Variants in CRKL observed in about 807,000 individuals in gnomAD.
The protein encoded by CRKL is crk-like protein.
Under a neutral mutation model 23.0 loss-of-function variants are expected in CRKL, and 3 were observed. That is an observed-to-expected ratio of 0.13 (90% CI 0.06 to 0.34). CRKL has a LOEUF of 0.34. Ranked by LOEUF, CRKL falls within the 10% of genes least tolerant of loss-of-function variation. The pLI, the probability that CRKL is intolerant of heterozygous loss-of-function variation, is 1.00. For missense variants in CRKL, 256 were observed against 394.5 expected, an observed-to-expected ratio of 0.65 and a Z score of 2.97; for synonymous variants, 188 against 160.7, an observed-to-expected ratio of 1.17 and a Z score of -1.28.
At position 20,946,733 on chromosome 22, in the gene CRKL, A is replaced by AAC. The variant is rs1555921441; in HGVS notation, c.778-2977_778-2976insCA. 8.1e-4 allele frequency among the ~76,000 whole-genome samples: 122 copies of AAC among 150,890 alleles called. 1 individual carries two copies. The highest frequency in any genetic ancestry group is 6.9e-3 in the Middle Eastern group (2 of 290). On this transcript the variant is annotated intron_variant, in intron 2 of 2. Coordinates refer to ENST00000354336, the MANE Select transcript of CRKL (RefSeq NM_005207.4). Reference sequence around the variant, plus strand: ...GAGCACCCCTCCCTCCAAAAAAAAAAAACAGATTGATCTGCCCTCCACAGT... The same window carrying AAC: ...GAGCACCCCTCCCTCCAAAAAAAAAAACAACAGATTGATCTGCCCTCCACAGT...
In CRKL at chr22:20,940,428, G is replaced by A. The variant is rs548344059; in HGVS notation, c.777+6184G>A. Among the ~76,000 whole-genome samples the A allele has an allele frequency of 6.6e-5, 10 of 152,162 alleles. No homozygotes were observed. In the South Asian group the frequency reaches 2.1e-3, roughly 32 times the overall value. Reference sequence around the variant, plus strand: ...TGCCATCTTTTGACAAAAAACAAGAGACTTGACCCTTCCTAAGTCTTCCAG... The same window carrying A: ...TGCCATCTTTTGACAAAAAACAAGAAACTTGACCCTTCCTAAGTCTTCCAG... On this transcript the variant is annotated intron_variant, in intron 2 of 2. Coordinates refer to ENST00000354336, the MANE Select transcript of CRKL (RefSeq NM_005207.4).
chr22:20,933,585 T>C (rs961626902), intron 1 of CRKL, among the ~76,000 whole-genome samples, 194 bp from the exon 2 acceptor site: 5 of 151,996 alleles, frequency 3.3e-5, no homozygotes, highest in Admixed American at 2.6e-4. Flanking sequence ...GGAGCATCAC[T>C]TGAACCTGGG....
chr22:20,947,360 A>C (rs1183329297), intron 2 of CRKL, among the ~76,000 whole-genome samples: 1 of 151,298 alleles, frequency 6.6e-6, no homozygotes, highest in Non-Finnish European at 1.5e-5. Context: ...TACAGGTGTG[A>C]GCCACTGCGC....
Position 20,933,844 on chromosome 22 carries a change from A to G in CRKL, c.377A>G (p.Glu126Gly). The change falls in exon 2 of 3, where the codon GAA becomes GGA. Residue 126 changes from glutamate to glycine, a missense_variant. Physicochemically the swap from Glu to Gly is moderately conservative, Grantham distance 98 (BLOSUM62 -2). Transcript: ENST00000354336. ...CTGCCTACAGCAGAAGATAACCTGG[A>G]ATATGTACGGACTCTGTATGATTTT... ...PNLPTAEDNL[E>G]YVRTLYDFPG... 6 of 1,614,144 alleles carry G rather than the reference A, an allele frequency of 3.7e-6. No homozygotes were observed. Among genetic ancestry groups the G allele is most frequent in the Non-Finnish European group, 5.1e-6 (6 of 1,180,026 alleles).
Position 20,953,140 on chromosome 22 carries a change from TAATC to T in CRKL, c.*3296_*3299del. The stretch of plus-strand genomic sequence containing the variant: ...TGGTTTTTTGCCAGGTGTTTATAAT[TAATC>T]CTTTAATATTATGGTTATTAACCTC... On this transcript the variant is annotated 3_prime_UTR_variant, in exon 3 of 3. Coordinates refer to ENST00000354336, the MANE Select transcript of CRKL (RefSeq NM_005207.4). 1 of 231,898 alleles carries T rather than the reference TAATC, an allele frequency of 4.3e-6. No homozygotes were observed. The highest frequency in any genetic ancestry group is 8.5e-6 in the Non-Finnish European group (1 of 116,974). The allele number at this position is 231,898 out of a possible 1,614,324, so 14.4% of individuals were successfully genotyped here.
Position 20,953,252 on chromosome 22 carries a change from A to G in CRKL, c.*3407A>G, listed in dbSNP as rs955004470. 1.7e-5 allele frequency: 4 copies of G among 231,416 alleles called. No homozygotes were observed. Among genetic ancestry groups the G allele is most frequent in the Admixed American group, 1.7e-4 (3 of 17,676 alleles). 14.3% of individuals were successfully genotyped at this position (231,416 alleles called of 1,614,324 possible). A position where few individuals can be genotyped will look rare whatever the true frequency, so the allele number is the denominator to read the frequency against. On this transcript the variant is annotated 3_prime_UTR_variant, in exon 3 of 3. Coordinates refer to ENST00000354336, the MANE Select transcript of CRKL (RefSeq NM_005207.4). ...GTGGACACCACTGAGCTCTGCCTCA[A>G]CTCCACCCTCTGCGACCGGAGGACT...
intron 1 of CRKL, among the ~76,000 whole-genome samples, chr22:20,928,515 T>TAAATAAATA (rs1921315935): frequency 6.6e-6 from 1 of 150,698 alleles, no homozygotes; most frequent in Admixed American, 6.6e-5. Context: ...CTTTAAAAAA[T>TAAATAAATA]AAATAAATAA....
intron 1 of CRKL, among the ~76,000 whole-genome samples, chr22:20,922,313 C>T (rs5752263): frequency 6.6e-6 from 1 of 151,460 alleles, no homozygotes; most frequent in Non-Finnish European, 1.5e-5. Context: ...GAGCCACCCT[C>T]TCCGGCCTGG....
chr22:20,943,327 C>T (rs1372087263), intron 2 of CRKL, among the ~76,000 whole-genome samples: 1 of 152,050 alleles, frequency 6.6e-6, no homozygotes, highest in Non-Finnish European at 1.5e-5. Flanking sequence ...GCAACTTCTG[C>T]CTTCCAGATT....
At chr22:20,924,477 G>A (rs1921119121) in intron 1 of CRKL, among the ~76,000 whole-genome samples, 1 of 152,216 alleles carries the variant, frequency 6.6e-6, no homozygotes, top group African/African-American at 2.4e-5. Context: ...ATTTTAATCA[G>A]CATAGAATTC....
intron 1 of CRKL, among the ~76,000 whole-genome samples, chr22:20,923,576 ATTT>A (rs34489759): frequency 7.5e-5 from 9 of 119,824 alleles, no homozygotes; most frequent in Non-Finnish European, 5.2e-5. Context: ...CGCGCCTGGC[ATTT>A]TTTTTTTTTT....
chr22:20,934,891 G>A (rs1921593780), intron 2 of CRKL, among the ~76,000 whole-genome samples: 1 of 135,766 alleles, frequency 7.4e-6, no homozygotes, highest in Non-Finnish European at 1.5e-5. Flanking sequence ...TCCGCTCACT[G>A]CAAGCTCCAC....
In CRKL at chr22:20,934,036, A is replaced by G. The variant is rs199907840; in HGVS notation, c.569A>G (p.His190Arg). The change falls in exon 2 of 3, where the codon CAT becomes CGT. Residue 190 changes from histidine (H) to arginine (R), a missense_variant. His to Arg is a conservative substitution (Grantham distance 29). This residue lies in a region of CRKL where 129 missense variants were observed against 222.1 expected (regional missense o/e 0.58). Coordinates refer to ENST00000354336, the MANE Select transcript of CRKL (RefSeq NM_005207.4). ...GTGAGATCCTCACCACACGGAAAGC[A>G]TGGAAATAGGAATTCCAACAGTTAT... ...KLVRSSPHGK[H>R]GNRNSNSYGI... 2 of 1,614,188 alleles carry G rather than the reference A, an allele frequency of 1.2e-6. No homozygotes were observed. The highest frequency in any genetic ancestry group is 2.7e-5 in the African/African-American group (2 of 75,050).
intron 2 of CRKL, among the ~76,000 whole-genome samples, chr22:20,946,710 G>A (rs1922067499): frequency 1.1e-5 from 1 of 90,920 alleles, no homozygotes; most frequent in East Asian, 4.3e-4. Flanking sequence ...AAGGTGTAGA[G>A]CACCCCTCCC....
At chr22:20,918,288 C>A (rs2147892227) in intron 1 of CRKL, 43 bp downstream of exon 1, 1 of 1,595,424 alleles carries the variant, frequency 6.3e-7, no homozygotes, top group Non-Finnish European at 8.5e-7. Context: ...GGTCGAGAAC[C>A]GGGTCTGTCG....
chr22:20,936,983 C>G (rs1311193289), intron 2 of CRKL, among the ~76,000 whole-genome samples: 1 of 152,104 alleles, frequency 6.6e-6, no homozygotes, highest in African/African-American at 2.4e-5. Flanking sequence ...GCTTCAGCCT[C>G]TCAAGTAGCT....
intron 1 of CRKL, among the ~76,000 whole-genome samples, chr22:20,929,765 CTT>C (rs1921372389): frequency 6.6e-6 from 1 of 152,096 alleles, no homozygotes; most frequent in Admixed American, 6.6e-5. Context: ...CTGGGCAACA[CTT>C]TATATTTTAA....
chr22:20,924,266 GA>G (rs1400371789), intron 1 of CRKL, among the ~76,000 whole-genome samples: 1 of 152,186 alleles, frequency 6.6e-6, no homozygotes, highest in Non-Finnish European at 1.5e-5. Flanking sequence ...ACAGCTGTGG[GA>G]GAACTGAGAA....
At chr22:20,941,870 G>A (rs1431447615) in intron 2 of CRKL, among the ~76,000 whole-genome samples, 1 of 151,984 alleles carries the variant, frequency 6.6e-6, no homozygotes, top group Non-Finnish European at 1.5e-5. Context: ...TTTTTAAAAG[G>A]TTTTTGTTCC....
Sources: gnomAD v4.1 joint callset for allele counts (sites outside exome capture counted in the v4.1 genomes callset) on GRCh38, gnomAD v4.1.1 for gene constraint, gnomAD v4.1.1 regional missense constraint, MANE v1.5 for transcripts, NCBI Gene and HGNC (gene_info 2026-07-23, HGNC 2026-07-21) for gene names.